The following EPC1 variants were observed in gnomAD, a reference collection of about 807,000 sequenced individuals.
EPC1 encodes the protein enhancer of polycomb 1.
EPC1 carries 12 observed loss-of-function variants against 98.4 expected under a neutral mutation model. The observed-to-expected ratio is 0.12, with a 90% CI of 0.08 to 0.20. The LOEUF (loss-of-function observed/expected upper bound fraction) is 0.20. Among genes scored for constraint, EPC1 ranks in the 10% least tolerant of loss-of-function variants. The probability of loss-of-function intolerance (pLI) is 1.00; values close to 1 mark genes in which losing one functional copy is unlikely to be tolerated. For missense variants in EPC1, 729 were observed against 990.5 expected (o/e 0.74, Z 3.54); for synonymous variants, 357 against 363.9 (o/e 0.98, Z 0.21).
At chr10:32,281,675 T>C (rs1836416224) in intron 10 of EPC1, 1 of 23,484 alleles carries the variant, frequency 4.3e-5, no homozygotes, top group South Asian at 9.2e-4. Flanking sequence ...ACATTTTCTC[T>C]TTTTTTTTTT....
At chr10:32,274,117 TTC>T (rs1009818905) in intron 10 of EPC1, 10 of 152,016 alleles carry the variant, frequency 6.6e-5, no homozygotes, top group Non-Finnish European at 1.2e-4. Context: ...GGAAACCTTT[TTC>T]TCTTTTTTGC....
chr10:32,278,591 C>T lies in EPC1; in HGVS notation c.1745-5310G>A, dbSNP rs565451789. Among the ~76,000 whole-genome samples the T allele has an allele frequency of 5.7e-4, 87 of 151,834 alleles. 1 individual carries two copies. The East Asian group carries it at 0.015, about 26-fold the overall frequency. On this transcript the variant is annotated intron_variant, in intron 10 of 13. Transcript: ENST00000319778. ...AGAGACGGGGTTTCACCGTTTTAGC[C>T]GGGATGGTCTCGATCTCCTGACCTC... is the stretch of plus-strand genomic sequence containing the variant.
chr10:32,297,428 CAT>C (rs1201752997), intron 2 of EPC1, among the ~76,000 whole-genome samples: 8 of 151,718 alleles, frequency 5.3e-5, no homozygotes, highest in Admixed American at 6.6e-5. Context: ...TGGGATTACA[CAT>C]GTCTGCCACC....
rs754082565 is a variant in EPC1 at position 32,293,057 on chromosome 10, T to C, written c.597A>G (p.Arg199=). The change falls in exon 4 of 14, where the codon CGA becomes CGG. Residue 199 remains arginine, a synonymous_variant. Coordinates refer to ENST00000319778, the MANE Select transcript of EPC1 (RefSeq NM_001272004.3). ...AAGGATCATTTGTGCTGGAACCATC[T>C]CGCTTCTCTTGTTTTACTGATGGAA... The part of the protein sequence containing the change: ...SLIPSVKQEK[R]DGSSTNDPYV... 6.2e-7 allele frequency: 1 copy of C among 1,613,460 alleles called. No homozygotes were observed. The highest frequency in any genetic ancestry group is 8.5e-7 in the Non-Finnish European group (1 of 1,179,668).
chr10:32,346,606 G>A lies in EPC1; in HGVS notation c.153+157C>T, dbSNP rs535040201. 62 of 739,652 alleles carry A rather than the reference G, an allele frequency of 8.4e-5. No homozygotes were observed. In the East Asian group the frequency reaches 1.7e-3, roughly 20 times the overall value. 45.8% of individuals were successfully genotyped at this position (739,652 alleles called of 1,614,324 possible). A position where few individuals can be genotyped will look rare whatever the true frequency, so the allele number is the denominator to read the frequency against. ...CTGGGCCGCGGCGGCCGGGGGTCGAGGCTGGGGGAGGCGGGGTATAGGCCC... is the reference window on the plus strand; with the variant it reads ...CTGGGCCGCGGCGGCCGGGGGTCGAAGCTGGGGGAGGCGGGGTATAGGCCC... On this transcript the variant is annotated intron_variant, in intron 1 of 13. Transcript: ENST00000319778.
chr10:32,324,658 C>T (rs1002012237), intron 1 of EPC1, among the ~76,000 whole-genome samples: 7 of 151,742 alleles, frequency 4.6e-5, no homozygotes, highest in African/African-American at 1.7e-4. Context: ...GATATTCTTT[C>T]TCCTACTAAT....
intron 11 of EPC1, among the ~76,000 whole-genome samples, chr10:32,272,438 A>G (rs1835892202): frequency 6.6e-6 from 1 of 152,224 alleles, no homozygotes; most frequent in Non-Finnish European, 1.5e-5. Context: ...TAAGCCTTCT[A>G]TAATGTGGAA....
chr10:32,349,970 G>C (rs1839063883), upstream of EPC1, among the ~76,000 whole-genome samples: 1 of 152,142 alleles, frequency 6.6e-6, no homozygotes, highest in African/African-American at 2.4e-5. Flanking sequence ...AAAGATTCAG[G>C]TTTAGTTTTC....
At chr10:32,318,697 C>A (rs546134628) in intron 1 of EPC1, among the ~76,000 whole-genome samples, 1 of 152,108 alleles carries the variant, frequency 6.6e-6, no homozygotes, top group African/African-American at 2.4e-5. Context: ...GTTTCCAGCT[C>A]CCTTTTGCTT....
chr10:32,368,056 T>G (rs963214760), intron 1 of EPC1, among the ~76,000 whole-genome samples: 1 of 152,200 alleles, frequency 6.6e-6, no homozygotes, highest in Non-Finnish European at 1.5e-5. Flanking sequence ...TTCCAACCTT[T>G]TCTACTTCTC....
At chr10:32,327,745 T>C (rs1837388420) in intron 1 of EPC1, among the ~76,000 whole-genome samples, 1 of 152,188 alleles carries the variant, frequency 6.6e-6, no homozygotes, top group Non-Finnish European at 1.5e-5. Flanking sequence ...TACTGATTAC[T>C]GTAGGGAGTT....
At chr10:32,353,879 T>C (rs1295175013) in intron 1 of EPC1, among the ~76,000 whole-genome samples, 1 of 152,238 alleles carries the variant, frequency 6.6e-6, no homozygotes, top group Non-Finnish European at 1.5e-5. Context: ...ATAAGCTACA[T>C]AAAGAAATGA....
intron 1 of EPC1, among the ~76,000 whole-genome samples, chr10:32,316,858 A>G (rs2505412): frequency 0.98 from 149,036 of 152,354 alleles, 72,969 homozygotes; most frequent in East Asian, 1. Flanking sequence ...TGATATGCAT[A>G]CTGAAGTATT....
chr10:32,349,520 T>G (rs2133079036), upstream of EPC1, among the ~76,000 whole-genome samples: 1 of 152,352 alleles, frequency 6.6e-6, no homozygotes, highest in South Asian at 2.1e-4. Context: ...TCTCAGGTCC[T>G]TCTGGGTTCC....
intron 10 of EPC1, among the ~76,000 whole-genome samples, chr10:32,275,451 G>A (rs922344313): frequency 3.3e-5 from 5 of 152,026 alleles, no homozygotes; most frequent in Non-Finnish European, 5.9e-5. Flanking sequence ...GGGCAAGATG[G>A]TGAAACCCCG....
intron 1 of EPC1, among the ~76,000 whole-genome samples, chr10:32,306,249 A>G (rs1835871119): frequency 6.6e-6 from 1 of 152,260 alleles, no homozygotes; most frequent in South Asian, 2.1e-4. Context: ...AGAAGGAGTT[A>G]AAACATTTGA....
Position 32,286,945 on chromosome 10 carries a change from G to A in EPC1, c.1223C>T (p.Ala408Val). 6.2e-7 allele frequency: 1 copy of A among 1,613,602 alleles called. No homozygotes were observed. The highest frequency in any genetic ancestry group is 1.3e-5 in the African/African-American group (1 of 74,964). The change falls in exon 8 of 14, where the codon GCA (alanine) becomes GTA (valine). Residue 408 changes from alanine to valine, a missense_variant. Around this residue, in one of 6 missense-constraint regions of EPC1, gnomAD observed 390 missense variants for 438.6 expected, o/e 0.89. Transcript: ENST00000319778. ...PDGPFAFRRK[A>V]GCQYYAPHLD... is the part of the protein sequence containing the mutation. ...ACTTACAGCATAGTACTGACAGCCT[G>A]CTTTCCTACGGAAAGCAAAAGGACC...
At chr10:32,305,640 C>T in intron 2 of EPC1, 132 bp downstream of exon 2, 1 of 517,986 alleles carries the variant, frequency 1.9e-6, no homozygotes, top group Non-Finnish European at 3.0e-6. Flanking sequence ...TGAAAATGGA[C>T]TCTACTAACT....
At chr10:32,309,384 A>G (rs560593993) in intron 1 of EPC1, among the ~76,000 whole-genome samples, 4 of 152,282 alleles carry the variant, frequency 2.6e-5, no homozygotes, top group Admixed American at 2.6e-4. Context: ...AAAACATCAC[A>G]TGTACTCCCT....
Sources: gnomAD v4.1 joint callset for allele counts (sites outside exome capture counted in the v4.1 genomes callset) on GRCh38, gnomAD v4.1.1 for gene constraint, gnomAD v4.1.1 regional missense constraint, MANE v1.5 for transcripts, NCBI Gene and HGNC (gene_info 2026-07-23, HGNC 2026-07-21) for gene names.